GTF2E1: variants seen among roughly 807,000 people sequenced by gnomAD.
GTF2E1 encodes the protein TFIIE alpha subunit.
GTF2E1 carries 14 observed loss-of-function variants against 34.9 expected under a neutral mutation model. The ratio of observed to expected loss-of-function variants is 0.40; its 90% CI spans 0.27 to 0.63. The LOEUF (loss-of-function observed/expected upper bound fraction) is 0.63. Ranked by LOEUF, GTF2E1 falls within the 20% of genes least tolerant of loss-of-function variation. The pLI is 0.39. For synonymous variants in GTF2E1, 188 were observed against 192.9 expected (o/e 0.97, Z 0.21); for missense variants, 469 against 557.7 (o/e 0.84, Z 1.60).
chr3:120,757,655 G>T (rs1050450248), intron 2 of GTF2E1, among the ~76,000 whole-genome samples: 2 of 152,166 alleles, frequency 1.3e-5, no homozygotes, highest in African/African-American at 4.8e-5. Flanking sequence ...GTTTAGGAAT[G>T]AGACTAAAAG....
chr3:120,770,684 G>A lies in GTF2E1; in HGVS notation c.449-44G>A, dbSNP rs9864341. 12,272 of 1,405,548 alleles carry A rather than the reference G, an allele frequency of 8.7e-3. 737 individuals are homozygous for A. In the African/African-American group the frequency reaches 0.14, roughly 16 times the overall value. 87.1% of individuals were successfully genotyped at this position (1,405,548 alleles called of 1,614,324 possible). ...GGGAGGGTGGAGGTATAAACTATCTGCTAAAGTCTTCTCTCTGACCTGAGA... is the reference window on the plus strand; with the variant it reads ...GGGAGGGTGGAGGTATAAACTATCTACTAAAGTCTTCTCTCTGACCTGAGA... On this transcript the variant is annotated intron_variant, in intron 2 of 4. Coordinates refer to ENST00000283875, the MANE Select transcript of GTF2E1 (RefSeq NM_005513.3).
chr3:120,768,143 T>C (rs181915949), intron 2 of GTF2E1, among the ~76,000 whole-genome samples: 3 of 152,250 alleles, frequency 2.0e-5, no homozygotes, highest in Admixed American at 6.5e-5. Context: ...ATAAAACATG[T>C]TGGATAATGA....
chr3:120,778,347 A>T (rs569832449), intron 4 of GTF2E1, among the ~76,000 whole-genome samples: 3 of 152,274 alleles, frequency 2.0e-5, no homozygotes, highest in African/African-American at 7.2e-5. Context: ...GTCATGTCTG[A>T]ATTTATCCTA....
chr3:120,747,293 A>T (rs1709114772), intron 1 of GTF2E1, among the ~76,000 whole-genome samples: 2 of 151,606 alleles, frequency 1.3e-5, no homozygotes, highest in African/African-American at 4.8e-5. Flanking sequence ...CATGTGCACA[A>T]TGTGCAGGTT....
At position 120,750,789 on chromosome 3, in the gene GTF2E1, G is replaced by T; in HGVS notation, c.237G>T (p.Glu79Asp). 1.2e-6 allele frequency: 2 copies of T among 1,613,908 alleles called. No individual in the cohort carries two copies. Among genetic ancestry groups the T allele is most frequent in the Non-Finnish European group, 1.7e-6 (2 of 1,179,842 alleles). The change falls in exon 2 of 5, where the codon GAG (glutamate) becomes GAT (aspartate). Residue 79 changes from glutamate to aspartate, a missense_variant. Glu to Asp is a conservative substitution (Grantham distance 45, BLOSUM62 2). Coordinates refer to ENST00000283875, the MANE Select transcript of GTF2E1 (RefSeq NM_005513.3). ...TTATCAAATGCAGAATGAGGGTAGAGACTGCTGCAGACGGGAAAACCACTC... is the reference window on the plus strand; with the variant it reads ...TTATCAAATGCAGAATGAGGGTAGATACTGCTGCAGACGGGAAAACCACTC... ...DKFIKCRMRVETAADGKTTRH... is the reference protein window; with the variant it reads ...DKFIKCRMRVDTAADGKTTRH...
Position 120,761,360 on chromosome 3 carries a change from C to G in GTF2E1, c.449-9368C>G, listed in dbSNP as rs575306886. Reference sequence around the variant, plus strand: ...AGTCTATCTATTTTGTTGATCTTTTCAAAGAACCAGCTCCTGGATTCATTG... The same window carrying G: ...AGTCTATCTATTTTGTTGATCTTTTGAAAGAACCAGCTCCTGGATTCATTG... On this transcript the variant is annotated intron_variant, in intron 2 of 4. Transcript: ENST00000283875. 2.0e-5 allele frequency among the ~76,000 whole-genome samples: 3 copies of G among 152,068 alleles called. No individual in the cohort carries two copies. In the South Asian group the frequency reaches 6.2e-4, roughly 31 times the overall value.
intron 2 of GTF2E1, among the ~76,000 whole-genome samples, chr3:120,754,046 G>A (rs542294574): frequency 9.9e-5 from 15 of 152,128 alleles, no homozygotes; most frequent in Non-Finnish European, 2.1e-4. Flanking sequence ...TTTCATAAAT[G>A]CATGTTTTAG....
chr3:120,781,315 G>GA lies in GTF2E1; in HGVS notation c.1167dup (p.Val390SerfsTer4). Reference sequence around the variant, plus strand: ...TGAAGAGGAAGATGACGAGTTTGAAGAAGTAGCAGATGACCCCATTGTCAT... The same window carrying GA: ...TGAAGAGGAAGATGACGAGTTTGAAGAAAGTAGCAGATGACCCCATTGTCAT... On this transcript the variant is annotated frameshift_variant, in exon 5 of 5. Coordinates refer to ENST00000283875, the MANE Select transcript of GTF2E1 (RefSeq NM_005513.3). LOFTEE classifies it high-confidence loss of function. The GA allele has an allele frequency of 6.2e-7, 1 of 1,614,186 alleles. No individual in the cohort carries two copies. The highest frequency in any genetic ancestry group is 8.5e-7 in the Non-Finnish European group (1 of 1,180,040).
rs1442374399 is a variant in GTF2E1 at position 120,758,225 on chromosome 3, CT to C, written c.448+7226del. The stretch of plus-strand genomic sequence containing the variant: ...CACAAATAGTAGAGAGGTATGTAAA[CT>C]AAAATGGCAAACTAGTTTTTCCTCT... On this transcript the variant is annotated intron_variant, in intron 2 of 4. Transcript: ENST00000283875. 3.3e-5 allele frequency among the ~76,000 whole-genome samples: 5 copies of C among 152,122 alleles called. No individual in the cohort carries two copies. The East Asian group carries it at 9.6e-4, about 29-fold the overall frequency.
At chr3:120,745,705 C>A (rs1209341573) in intron 1 of GTF2E1, among the ~76,000 whole-genome samples, 1 of 152,192 alleles carries the variant, frequency 6.6e-6, no homozygotes, top group African/African-American at 2.4e-5. Flanking sequence ...TGACATTTTT[C>A]TGCTGTTCTT....
chr3:120,753,469 C>T (rs753224899), intron 2 of GTF2E1, among the ~76,000 whole-genome samples: 1 of 152,130 alleles, frequency 6.6e-6, no homozygotes, highest in Non-Finnish European at 1.5e-5. Flanking sequence ...GGCCTTCTAC[C>T]TCCATTTCTT....
chr3:120,759,069 C>T (rs918318468), intron 2 of GTF2E1, among the ~76,000 whole-genome samples: 5 of 152,218 alleles, frequency 3.3e-5, no homozygotes, highest in Admixed American at 1.3e-4. Context: ...TCCACATCCT[C>T]TCCATCATCT....
At chr3:120,776,347 C>T in intron 3 of GTF2E1, 76 bp from the exon 4 acceptor site, 1 of 1,330,286 alleles carries the variant, frequency 7.5e-7, no homozygotes, top group Non-Finnish European at 1.0e-6. Context: ...GTAATTGCCT[C>T]CCTAGCTGCC....
At chr3:120,750,335 A>G (rs1346501899) in intron 1 of GTF2E1, among the ~76,000 whole-genome samples, 188 bp from the exon 2 acceptor site, 1 of 152,172 alleles carries the variant, frequency 6.6e-6, no homozygotes. Context: ...CCATTTAAGA[A>G]ATATGTAAAG....
chr3:120,751,651 A>G (rs1709165586), intron 2 of GTF2E1, among the ~76,000 whole-genome samples: 1 of 152,228 alleles, frequency 6.6e-6, no homozygotes, highest in African/African-American at 2.4e-5. Flanking sequence ...CTGAAAATAC[A>G]ATATGTCTAG....
At chr3:120,745,188 C>T (rs1444820994) in intron 1 of GTF2E1, among the ~76,000 whole-genome samples, 1 of 152,216 alleles carries the variant, frequency 6.6e-6, no homozygotes, top group Admixed American at 6.5e-5. Flanking sequence ...AGGTATTAGC[C>T]ACTGTAGCCA....
rs753416403 is a variant in GTF2E1 at position 120,781,205 on chromosome 3, G to A, written c.1055G>A (p.Ser352Asn). 1.5e-5 allele frequency: 24 copies of A among 1,614,196 alleles called. No homozygotes were observed. In the East Asian group the frequency reaches 3.8e-4, roughly 25 times the overall value. The change falls in exon 5 of 5, where the codon AGT (serine) becomes AAT (asparagine). Residue 352 changes from serine to asparagine, a missense_variant. Coordinates refer to ENST00000283875, the MANE Select transcript of GTF2E1 (RefSeq NM_005513.3). ...AAAPVTAANGSDSESETSESD... is the reference protein window; with the variant it reads ...AAAPVTAANGNDSESETSESD... ...GCTCCAGTGACCGCTGCCAATGGCA[G>A]TGACTCAGAAAGCGAGACCAGTGAG...
At chr3:120,753,581 A>T (rs1471770237) in intron 2 of GTF2E1, among the ~76,000 whole-genome samples, 1 of 152,200 alleles carries the variant, frequency 6.6e-6, no homozygotes, top group East Asian at 1.9e-4. Context: ...CCCTGACAAA[A>T]GGTGCTTAAC....
In GTF2E1 at chr3:120,781,705, ATTTTC is replaced by A. The variant is rs772192288; in HGVS notation, c.*245_*249del. The A allele has an allele frequency of 4.3e-5, 16 of 370,698 alleles. No individual in the cohort carries two copies. Among genetic ancestry groups the A allele is most frequent in the Non-Finnish European group, 7.6e-5 (16 of 211,066 alleles). 23.0% of individuals were successfully genotyped at this position (370,698 alleles called of 1,614,324 possible). On this transcript the variant is annotated 3_prime_UTR_variant, in exon 5 of 5. Coordinates refer to ENST00000283875, the MANE Select transcript of GTF2E1 (RefSeq NM_005513.3). ...CACTACAGTATTAATATTTTACTGT[ATTTTC>A]TTTTCTTTTTTTTTTTTTTTTGGAG...
Sources: allele counts gnomAD v4.1 joint callset (sites outside exome capture counted in the v4.1 genomes callset), GRCh38; gene constraint gnomAD v4.1.1; transcripts MANE v1.5; gene names NCBI Gene and HGNC (gene_info 2026-07-23, HGNC 2026-07-21).